The following DOK5 variants were observed in gnomAD, a reference collection of about 807,000 sequenced individuals.
DOK5 encodes the protein downstream of tyrosine kinase 5.
A neutral mutation model predicts 43.3 loss-of-function variants in DOK5; 27 were observed. The observed-to-expected ratio is 0.62, with a 90% confidence interval of 0.46 to 0.86. The LOEUF is 0.86. Ranked by LOEUF, DOK5 falls within the 40% of genes least tolerant of loss-of-function variation. The probability of loss-of-function intolerance (pLI) is 0.00; values close to 1 mark genes in which losing one functional copy is unlikely to be tolerated. For missense variants in DOK5, 373 were observed against 392.9 expected (o/e 0.95, Z 0.43); for synonymous variants, 146 against 140.1 (o/e 1.04, Z -0.30).
intron 1 of DOK5, among the ~76,000 whole-genome samples, chr20:54,488,662 G>C (rs1600655586): frequency 2.0e-5 from 3 of 151,420 alleles, no homozygotes; most frequent in Admixed American, 2.0e-4. Flanking sequence ...ATTTGCTTAT[G>C]TATTTTTCCT....
intron 1 of DOK5, among the ~76,000 whole-genome samples, chr20:54,552,364 A>C (rs1027989460): frequency 1.3e-5 from 2 of 152,048 alleles, no homozygotes; most frequent in African/African-American, 4.8e-5. Context: ...ACTTGTTTCA[A>C]ATGAACCAAC....
intron 1 of DOK5, among the ~76,000 whole-genome samples, chr20:54,491,979 A>T (rs1324520116): frequency 6.6e-6 from 1 of 152,220 alleles, no homozygotes; most frequent in East Asian, 1.9e-4. Context: ...AAAGAAAGAA[A>T]GACAAAGGGA....
intron 6 of DOK5, among the ~76,000 whole-genome samples, chr20:54,637,427 A>G (rs1298893319): frequency 6.6e-6 from 1 of 152,224 alleles, no homozygotes; most frequent in Admixed American, 6.5e-5. Flanking sequence ...TCTTGAGCTA[A>G]CACTGCTAAT....
At chr20:54,601,147 G>A (rs901838048) in intron 5 of DOK5, among the ~76,000 whole-genome samples, 2 of 152,244 alleles carry the variant, frequency 1.3e-5, no homozygotes, top group African/African-American at 2.4e-5. Flanking sequence ...TGCAGAGAAA[G>A]GGTGCAGAGT....
intron 1 of DOK5, among the ~76,000 whole-genome samples, chr20:54,541,314 G>C (rs760935642): frequency 6.6e-6 from 1 of 152,098 alleles, no homozygotes; most frequent in African/African-American, 2.4e-5. Flanking sequence ...CTGGTTCCCC[G>C]ACCTGCGCCT....
At chr20:54,502,513 T>C (rs1982648127) in intron 1 of DOK5, among the ~76,000 whole-genome samples, 1 of 152,164 alleles carries the variant, frequency 6.6e-6, no homozygotes, top group African/African-American at 2.4e-5. Context: ...AAAGATTCTC[T>C]CACCCGTCTA....
chr20:54,597,818 C>T (rs1027145172), intron 5 of DOK5, among the ~76,000 whole-genome samples: 1 of 152,344 alleles, frequency 6.6e-6, no homozygotes, highest in Non-Finnish European at 1.5e-5. Context: ...TAGTTAACTT[C>T]TGCAGAGCTA....
intron 5 of DOK5, among the ~76,000 whole-genome samples, chr20:54,604,552 A>G (rs921240074): frequency 2.0e-5 from 3 of 152,190 alleles, no homozygotes; most frequent in Non-Finnish European, 4.4e-5. Flanking sequence ...GAGAAAGCCT[A>G]TGTTTACATC....
intron 1 of DOK5, among the ~76,000 whole-genome samples, chr20:54,499,999 G>T (rs1982537557): frequency 6.6e-6 from 1 of 152,186 alleles, no homozygotes; most frequent in African/African-American, 2.4e-5. Flanking sequence ...ACAGGGCTAG[G>T]TGAATACCCC....
intron 1 of DOK5, among the ~76,000 whole-genome samples, chr20:54,480,744 A>G (rs1441409889): frequency 1.3e-5 from 2 of 152,116 alleles, no homozygotes; most frequent in Admixed American, 6.5e-5. Context: ...AAGTCTTACA[A>G]TGGGCCATGA....
At chr20:54,622,399 T>G (rs1987009025) in intron 6 of DOK5, among the ~76,000 whole-genome samples, 1 of 152,164 alleles carries the variant, frequency 6.6e-6, no homozygotes, top group African/African-American at 2.4e-5. Context: ...CACTTCTGTT[T>G]CAGTCTCTTA....
chr20:54,484,493 C>T (rs1981849002), intron 1 of DOK5, among the ~76,000 whole-genome samples: 2 of 151,998 alleles, frequency 1.3e-5, no homozygotes, highest in Admixed American at 1.3e-4. Context: ...TATTCCATGC[C>T]CTTTAACCAC....
intron 6 of DOK5, among the ~76,000 whole-genome samples, chr20:54,639,280 A>G (rs1429591917): frequency 5.3e-5 from 8 of 152,204 alleles, no homozygotes; most frequent in Non-Finnish European, 1.2e-4. Flanking sequence ...CACAGCCACC[A>G]TTGCCAGCTT....
chr20:54,647,514 AAAAAAAAAAC>A (rs1008558744), intron 7 of DOK5, among the ~76,000 whole-genome samples: 3 of 151,704 alleles, frequency 2.0e-5, no homozygotes, highest in African/African-American at 7.3e-5. Context: ...TCAGTTAAAA[AAAAAAAAAAC>A]AAAAAAACTA....
intron 1 of DOK5, among the ~76,000 whole-genome samples, chr20:54,532,280 T>C (rs1983802323): frequency 1.3e-5 from 2 of 152,182 alleles, no homozygotes; most frequent in South Asian, 2.1e-4. Flanking sequence ...ACACTGCATG[T>C]ACATTTTGGA....
chr20:54,641,633 G>A (rs1156765278), intron 6 of DOK5, among the ~76,000 whole-genome samples: 1 of 151,712 alleles, frequency 6.6e-6, no homozygotes, highest in Non-Finnish European at 1.5e-5. Context: ...AGTCCAAGTA[G>A]GTATCATCTC....
At chr20:54,477,219 T>A (rs1036753150) in intron 1 of DOK5, among the ~76,000 whole-genome samples, 3 of 152,214 alleles carry the variant, frequency 2.0e-5, no homozygotes, top group Non-Finnish European at 2.9e-5. Flanking sequence ...ACTGTTTTAA[T>A]GTGCCAGATA....
intron 1 of DOK5, among the ~76,000 whole-genome samples, chr20:54,550,864 T>C (rs1278193023): frequency 1.3e-5 from 2 of 151,852 alleles, no homozygotes; most frequent in Admixed American, 6.5e-5. Flanking sequence ...AATATTCATA[T>C]ACAGATTTTT....
chr20:54,500,961 C>T (rs1009288811), intron 1 of DOK5, among the ~76,000 whole-genome samples: 1 of 152,114 alleles, frequency 6.6e-6, no homozygotes, highest in East Asian at 1.9e-4. Flanking sequence ...TGACTAGGTA[C>T]GTAGTTTACT....
Sources: gnomAD v4.1 joint callset for allele counts (sites outside exome capture counted in the v4.1 genomes callset) on GRCh38, gnomAD v4.1.1 for gene constraint, MANE v1.5 for transcripts, NCBI Gene and HGNC (gene_info 2026-07-23, HGNC 2026-07-21) for gene names.